YES1: variants seen among roughly 807,000 people sequenced by gnomAD.
YES1 encodes tyrosine-protein kinase Yes.
Under a neutral mutation model 70.4 loss-of-function variants are expected in YES1, and 39 were observed. The observed-to-expected ratio is 0.55, with a 90% confidence interval of 0.43 to 0.72. The LOEUF is 0.72. YES1 is among the 30% of genes least tolerant of loss of function. YES1 has a pLI of 0.00. For missense variants in YES1, 495 were observed against 644.8 expected (o/e 0.77, Z 2.52); for synonymous variants, 198 against 218.6 (o/e 0.91, Z 0.83).
rs574293074 is a variant in YES1 at position 738,128 on chromosome 18, C to A, written c.1138-1167G>T. On this transcript the variant is annotated intron_variant, in intron 9 of 11. Transcript: ENST00000314574. ...AACTCAGAAGCATGAACTGGCGTGG[C>A]ATATGCCTGTTGCCTATGTATAGTT... 45 of 151,958 alleles carry A rather than the reference C, an allele frequency of 3.0e-4. 1 individual carries two copies. Among genetic ancestry groups the A allele is most frequent in the African/African-American group, 1.0e-3 (43 of 41,466 alleles). 9.4% of individuals were successfully genotyped at this position (151,958 alleles called of 1,614,324 possible).
chr18:778,470 A>T (rs182902941), intron 1 of YES1, among the ~76,000 whole-genome samples: 3 of 152,214 alleles, frequency 2.0e-5, no homozygotes, highest in Non-Finnish European at 2.9e-5. Flanking sequence ...TTTTCAAATG[A>T]TTTAACACAT....
chr18:734,717 A>G (rs1026153748), intron 10 of YES1, among the ~76,000 whole-genome samples: 1 of 152,040 alleles, frequency 6.6e-6, no homozygotes, highest in Non-Finnish European at 1.5e-5. Flanking sequence ...GTTGGTGTGG[A>G]TGTGGTGAAA....
rs896977759 is a variant in YES1 at position 732,444 on chromosome 18, AAAAAAAAAAAAAAC to A, written c.1423+376_1423+389del. Among the ~76,000 whole-genome samples, 167 of 144,882 alleles carry A rather than the reference AAAAAAAAAAAAAAC, an allele frequency of 1.2e-3. 6 individuals are homozygous for A. Among genetic ancestry groups the A allele is most frequent in the Non-Finnish European group, 2.6e-4 (17 of 66,362 alleles). On this transcript the variant is annotated intron_variant, in intron 11 of 11. Coordinates refer to ENST00000314574, the MANE Select transcript of YES1 (RefSeq NM_005433.4). ...AGAGCAAGACTGTGTTTAAAAAAAA[AAAAAAAAAAAAAAC>A]AAAACACCAATCACACTACTGGGAA...
Position 746,062 on chromosome 18 carries a change from A to T in YES1, c.471-11T>A. The T allele has an allele frequency of 6.2e-7, 1 of 1,601,444 alleles. No individual in the cohort carries two copies. The highest frequency in any genetic ancestry group is 1.1e-5 in the South Asian group (1 of 90,282). On this transcript the variant is annotated splice_polypyrimidine_tract_variant and intron_variant, in intron 4 of 11. Coordinates refer to ENST00000314574, the MANE Select transcript of YES1 (RefSeq NM_005433.4). ...TTGCCAAAATACCATCTGGAAAAAA[A>T]TTAAGTGTTTTGAATTGAAAAGTAT...
At position 805,985 on chromosome 18, in the gene YES1, A is replaced by G. The variant is rs569554560; in HGVS notation, c.-9+6129T>C. 2.0e-5 allele frequency among the ~76,000 whole-genome samples: 3 copies of G among 152,322 alleles called. No homozygotes were observed. In the East Asian group the frequency reaches 5.8e-4, roughly 29 times the overall value. ...GAAAACCAGACAATCTTGAAGTTTC[A>G]GGGGTCAGTACTTTTCCTCCTAGCA... On this transcript the variant is annotated intron_variant, in intron 1 of 11. Coordinates refer to ENST00000314574, the MANE Select transcript of YES1 (RefSeq NM_005433.4).
intron 1 of YES1, among the ~76,000 whole-genome samples, chr18:770,873 T>C (rs545985337): frequency 6.6e-6 from 1 of 151,734 alleles, no homozygotes; most frequent in African/African-American, 2.4e-5. Flanking sequence ...GTTGCCAGAG[T>C]GGTGGCTCAT....
intron 10 of YES1, among the ~76,000 whole-genome samples, chr18:734,171 C>T (rs62088288): frequency 0.089 from 13,462 of 151,888 alleles, 761 homozygotes; most frequent in East Asian, 0.28. Flanking sequence ...CCCAGCTACT[C>T]GGGAGGCTGA....
At chr18:724,682 AG>A (rs1191633838) in intron 11 of YES1, 50 bp from the exon 12 acceptor site, 1 of 1,499,470 alleles carries the variant, frequency 6.7e-7, no homozygotes, top group African/African-American at 1.4e-5. Context: ...AACTACCACT[AG>A]GAAAACATAA....
In YES1 at chr18:783,613, T is replaced by C. The variant is rs538227283; in HGVS notation, c.-8-26778A>G. ...TCTAAGCTTCTACATGTATCAATTT[T>C]TCTCTTTTTTTTTTTTTTTTGAAAC... On this transcript the variant is annotated intron_variant, in intron 1 of 11. Coordinates refer to ENST00000314574, the MANE Select transcript of YES1 (RefSeq NM_005433.4). Among the ~76,000 whole-genome samples, 10 of 129,586 alleles carry C rather than the reference T, an allele frequency of 7.7e-5. No individual in the cohort carries two copies. In the East Asian group the frequency reaches 1.5e-3, roughly 20 times the overall value. 85.0% of individuals were successfully genotyped at this position (129,586 alleles called of 152,430 possible). A position where few individuals can be genotyped will look rare whatever the true frequency, so the allele number is the denominator to read the frequency against.
intron 11 of YES1, among the ~76,000 whole-genome samples, chr18:727,103 C>G (rs1268908469): frequency 6.6e-6 from 1 of 152,146 alleles, no homozygotes; most frequent in Non-Finnish European, 1.5e-5. Context: ...TTCTGATTAT[C>G]ATCTGAATAA....
intron 9 of YES1, among the ~76,000 whole-genome samples, chr18:737,902 T>C (rs367586890): frequency 1.4e-4 from 21 of 152,274 alleles, no homozygotes; most frequent in African/African-American, 5.1e-4. Flanking sequence ...TATTTTTTTG[T>C]AGAGATGGGG....
intron 8 of YES1, among the ~76,000 whole-genome samples, chr18:740,708 G>T (rs2075044964): frequency 6.6e-6 from 1 of 152,172 alleles, no homozygotes; most frequent in Admixed American, 6.6e-5. Flanking sequence ...TTTAAAAATA[G>T]AAAGGACTTT....
At chr18:734,929 G>A (rs552502215) in intron 10 of YES1, among the ~76,000 whole-genome samples, 3 of 152,258 alleles carry the variant, frequency 2.0e-5, no homozygotes, top group South Asian at 2.1e-4. Flanking sequence ...AAGCCAAGGC[G>A]TGTGGATCAC....
chr18:794,681 GCCT>G (rs1906448199), intron 1 of YES1, among the ~76,000 whole-genome samples: 1 of 152,166 alleles, frequency 6.6e-6, no homozygotes, highest in Non-Finnish European at 1.5e-5. Flanking sequence ...ATCCTTCCTT[GCCT>G]CCTCCTAGCT....
chr18:729,339 T>C (rs1021960624), intron 11 of YES1, among the ~76,000 whole-genome samples: 13 of 151,966 alleles, frequency 8.6e-5, no homozygotes, highest in Non-Finnish European at 1.5e-4. Context: ...CGCTGGAACC[T>C]GGGAGGCGGA....
intron 11 of YES1, among the ~76,000 whole-genome samples, chr18:725,819 G>A (rs901707399): frequency 7.9e-5 from 12 of 152,182 alleles, no homozygotes; most frequent in African/African-American, 2.4e-4. Flanking sequence ...GGGAGGCGGA[G>A]GTTGCAGTGA....
intron 4 of YES1, among the ~76,000 whole-genome samples, chr18:746,464 T>C (rs189120187): frequency 6.6e-6 from 1 of 152,280 alleles, no homozygotes; most frequent in Non-Finnish European, 1.5e-5. Context: ...ACCCAAATTA[T>C]TAGTAACTCT....
intron 1 of YES1, among the ~76,000 whole-genome samples, chr18:799,045 C>T (rs547246402): frequency 1.3e-5 from 2 of 152,300 alleles, no homozygotes; most frequent in Admixed American, 6.5e-5. Context: ...TTAAGAAACA[C>T]ATTTCTTAAA....
intron 2 of YES1, among the ~76,000 whole-genome samples, chr18:755,475 C>T (rs775600774): frequency 2.0e-5 from 3 of 152,146 alleles, no homozygotes; most frequent in Non-Finnish European, 4.4e-5. Context: ...TGGTCTCAAA[C>T]TCCTGAGCTC....
Sources: gnomAD v4.1 joint callset for allele counts (sites outside exome capture counted in the v4.1 genomes callset) on GRCh38, gnomAD v4.1.1 for gene constraint, MANE v1.5 for transcripts, NCBI Gene and HGNC (gene_info 2026-07-23, HGNC 2026-07-21) for gene names.